The following LRRC49 variants were observed in gnomAD, a reference collection of about 807,000 sequenced individuals.
LRRC49 encodes the protein leucine-rich repeat-containing protein 49.
Under a neutral mutation model 83.3 loss-of-function variants are expected in LRRC49, and 50 were observed. The ratio of observed to expected loss-of-function variants is 0.60; its 90% CI spans 0.48 to 0.76. The LOEUF (loss-of-function observed/expected upper bound fraction) is 0.76. Among genes scored for constraint, LRRC49 ranks in the 30% least tolerant of loss-of-function variants. LRRC49 has a pLI of 0.00. For synonymous variants in LRRC49, 286 were observed against 283.3 expected (o/e 1.01, Z -0.10); for missense variants, 704 against 809.1 (o/e 0.87, Z 1.58).
chr15:70,920,191 A>C (rs909615815), intron 7 of LRRC49, among the ~76,000 whole-genome samples: 5 of 152,212 alleles, frequency 3.3e-5, no homozygotes, highest in Non-Finnish European at 5.9e-5. Flanking sequence ...TCCCTTGTAA[A>C]GAACTAAGTG....
intron 9 of LRRC49, among the ~76,000 whole-genome samples, chr15:70,974,597 A>G (rs1375252562): frequency 1.3e-5 from 2 of 152,226 alleles, no homozygotes; most frequent in African/African-American, 2.4e-5. Flanking sequence ...TGAGAATCCA[A>G]AAGTATCTCC....
At chr15:70,953,823 T>G (rs2141183506) in intron 8 of LRRC49, among the ~76,000 whole-genome samples, 1 of 152,264 alleles carries the variant, frequency 6.6e-6, no homozygotes, top group Middle Eastern at 3.4e-3. Flanking sequence ...TAAATTATTT[T>G]TTCTTTATTT....
chr15:70,895,493 C>T (rs1239813622), intron 2 of LRRC49: 3 of 162,588 alleles, frequency 1.8e-5, no homozygotes, highest in African/African-American at 7.2e-5. Flanking sequence ...TATCTGACCT[C>T]ATAAAATTGA....
At chr15:70,950,287 G>T (rs921005530) in intron 8 of LRRC49, among the ~76,000 whole-genome samples, 1 of 152,104 alleles carries the variant, frequency 6.6e-6, no homozygotes, top group African/African-American at 2.4e-5. Flanking sequence ...TTGGTAGAAT[G>T]ATTTATTTTC....
chr15:71,047,236 A>C (rs2039879619), intron 15 of LRRC49, among the ~76,000 whole-genome samples: 1 of 152,054 alleles, frequency 6.6e-6, no homozygotes, highest in Admixed American at 6.6e-5. Flanking sequence ...TGACATTGGG[A>C]ATTTGATATG....
chr15:70,996,771 T>A (rs1461393963), intron 11 of LRRC49, among the ~76,000 whole-genome samples: 1 of 152,210 alleles, frequency 6.6e-6, no homozygotes, highest in Non-Finnish European at 1.5e-5. Flanking sequence ...CTATCCTTTT[T>A]ATTTTTCCCA....
At chr15:70,977,949 C>T (rs2037266477) in intron 9 of LRRC49, among the ~76,000 whole-genome samples, 1 of 151,958 alleles carries the variant, frequency 6.6e-6, no homozygotes, top group African/African-American at 2.4e-5. Flanking sequence ...CATTTGTTAC[C>T]TTATTTCTAA....
intron 9 of LRRC49, among the ~76,000 whole-genome samples, chr15:70,977,587 G>C (rs2037251247): frequency 6.6e-6 from 1 of 152,134 alleles, no homozygotes; most frequent in Non-Finnish European, 1.5e-5. Flanking sequence ...GGAGGTTGCA[G>C]TGAGCTGACA....
intron 4 of LRRC49, among the ~76,000 whole-genome samples, chr15:70,902,094 A>G (rs2141109241): frequency 6.6e-6 from 1 of 152,330 alleles, no homozygotes; most frequent in Non-Finnish European, 1.5e-5. Flanking sequence ...AGTATCTCTC[A>G]TGACATCTTT....
chr15:70,922,562 G>C (rs777603975), intron 7 of LRRC49, among the ~76,000 whole-genome samples: 1 of 151,994 alleles, frequency 6.6e-6, no homozygotes, highest in Non-Finnish European at 1.5e-5. Flanking sequence ...GGTGGAGATG[G>C]TTAATGGGTA....
intron 4 of LRRC49, among the ~76,000 whole-genome samples, 200 bp from the exon 5 acceptor site, chr15:70,904,351 AC>A (rs891613851): frequency 2.0e-5 from 3 of 152,064 alleles, no homozygotes; most frequent in African/African-American, 7.2e-5. Context: ...TTAATAATAA[AC>A]CCTGTCAAAG....
intron 5 of LRRC49, among the ~76,000 whole-genome samples, chr15:70,910,048 G>A (rs955647285): frequency 1.3e-5 from 2 of 152,106 alleles, no homozygotes; most frequent in African/African-American, 4.8e-5. Flanking sequence ...TTTGGATGAA[G>A]TGAGGTAGGA....
chr15:70,902,948 A>G (rs1595999259), intron 4 of LRRC49, among the ~76,000 whole-genome samples: 1 of 152,172 alleles, frequency 6.6e-6, no homozygotes, highest in Non-Finnish European at 1.5e-5. Context: ...TAAGCAGTAT[A>G]CAAGTGAGCC....
At chr15:70,884,276 G>A (rs191850981) in intron 2 of LRRC49, among the ~76,000 whole-genome samples, 6 of 152,100 alleles carry the variant, frequency 3.9e-5, no homozygotes, top group Admixed American at 2.6e-4. Context: ...AGTAGCTCAC[G>A]CCTCCCAGCA....
intron 8 of LRRC49, among the ~76,000 whole-genome samples, chr15:70,951,938 T>G (rs2036231184): frequency 1.3e-5 from 2 of 152,134 alleles, no homozygotes; most frequent in African/African-American, 2.4e-5. Context: ...AGTGTTTTCC[T>G]TTGATGCCTA....
chr15:70,980,111 G>A lies in LRRC49; in HGVS notation c.932G>A (p.Arg311Lys). The change falls in exon 10 of 16, where the codon AGG (arginine) becomes AAG (lysine). Residue 311 changes from arginine (R) to lysine (K), a missense_variant. Physicochemically the swap from Arg to Lys is conservative, Grantham distance 26. This residue lies in a region of LRRC49 where 168 missense variants were observed against 140.6 expected (regional missense o/e 1.20). Transcript: ENST00000260382. ...LDMKRITEEE[R>K]RMASVLAKKE... ...GAAAATGTCTTTTAGGAAGAAGAAA[G>A]GCGTATGGCATCTGTTTTAGCCAAA... 6.2e-7 allele frequency: 1 copy of A among 1,608,576 alleles called. No homozygotes were observed. The highest frequency in any genetic ancestry group is 8.5e-7 in the Non-Finnish European group (1 of 1,177,152).
chr15:71,008,933 A>G (rs1240455882), intron 12 of LRRC49, among the ~76,000 whole-genome samples: 3 of 151,938 alleles, frequency 2.0e-5, no homozygotes, highest in East Asian at 3.9e-4. Context: ...GTATTCACCT[A>G]TGGTACCTGG....
chr15:71,007,576 C>CA (rs1328759695), intron 11 of LRRC49, among the ~76,000 whole-genome samples: 3 of 151,510 alleles, frequency 2.0e-5, no homozygotes, highest in African/African-American at 7.3e-5. Context: ...TCTCTATTCA[C>CA]AAAGCAGATA....
chr15:71,037,587 C>G lies in LRRC49; in HGVS notation c.1857+255C>G, dbSNP rs570783024. Among the ~76,000 whole-genome samples the G allele has an allele frequency of 4.7e-4, 72 of 152,100 alleles. 3 individuals carry two copies. In the South Asian group the frequency reaches 0.015, roughly 31 times the overall value. On this transcript the variant is annotated intron_variant, in intron 15 of 15. Transcript: ENST00000260382. ...AAAAAATGCTCAAAAGAAATCTGTACCATAAATCTGTAGCAAAAATCTAGT... is the reference window on the plus strand; with the variant it reads ...AAAAAATGCTCAAAAGAAATCTGTAGCATAAATCTGTAGCAAAAATCTAGT...
Sources: gnomAD v4.1 joint callset for allele counts (sites outside exome capture counted in the v4.1 genomes callset) on GRCh38, gnomAD v4.1.1 for gene constraint, gnomAD v4.1.1 regional missense constraint, MANE v1.5 for transcripts, NCBI Gene and HGNC (gene_info 2026-07-23, HGNC 2026-07-21) for gene names.